Variants in NPHS1 observed in about 807,000 individuals in gnomAD.
NPHS1 encodes nephrin.
In NPHS1, 107 loss-of-function variants were observed where a neutral mutation model predicts 139.7. The observed-to-expected ratio is 0.77, with a 90% confidence interval of 0.66 to 0.90. The LOEUF (loss-of-function observed/expected upper bound fraction) is 0.90. NPHS1 is among the 40% of genes least tolerant of loss of function. The pLI is 0.00. For missense variants in NPHS1, 1,580 were observed against 1,654.2 expected (o/e 0.96, Z 0.78); for synonymous variants, 707 against 706.6 (o/e 1.00, Z -0.01).
Position 35,846,058 on chromosome 19 carries a change from A to T in NPHS1, c.1577T>A (p.Phe526Tyr). The T allele has an allele frequency of 6.3e-7, 1 of 1,595,916 alleles. No individual in the cohort carries two copies. Among genetic ancestry groups the T allele is most frequent in the Non-Finnish European group, 8.5e-7 (1 of 1,171,644 alleles). The change falls in exon 12 of 29, where the codon TTC becomes TAC. Residue 526 changes from phenylalanine (F) to tyrosine (Y), a missense_variant. Coordinates refer to ENST00000378910, the MANE Select transcript of NPHS1 (RefSeq NM_004646.4). ...VTGPSDNQAK[F>Y]TCKAGQLSAS... ...GCTGAGCTGTCCAGCCTTGCACGTG[A>T]ACTTGGCCTGGTTGTCCGACGGCCC...
At position 35,830,929 on chromosome 19, in the gene NPHS1, G is replaced by T; in HGVS notation, c.3509C>A (p.Ala1170Asp). ...RGFTGEDEDM[A>D]FPGHLYDEVE... ...CTCATCATACAAGTGCCCAGGGAAG[G>T]CCATATCCTCATCTTCACCTGTGAA... Residue 1170 changes from alanine to aspartate, a missense_variant, in exon 28 of 29, where the codon GCC (alanine) becomes GAC (aspartate). By Grantham distance (126) the Ala-to-Asp change is moderately radical. Transcript: ENST00000378910. The T allele has an allele frequency of 1.2e-6, 2 of 1,613,838 alleles. No individual in the cohort carries two copies. Among genetic ancestry groups the T allele is most frequent in the Non-Finnish European group, 1.7e-6 (2 of 1,179,702 alleles).
rs760967681 is a variant in NPHS1, at chr19:35,842,180, G to A, written c.2607C>T (p.Pro869=). ...ATLHCRARGV[P]NIVFTWTKNG... is the part of the protein sequence containing the mutation. ...TTTTTGTCCAAGTGAAAACGATGTT[G>A]GGGACACCTCGGGCACGGCAGTGGA... The change falls in exon 19 of 29, where the codon CCC becomes CCT. Residue 869 remains proline, a synonymous_variant. Coordinates refer to ENST00000378910, the MANE Select transcript of NPHS1 (RefSeq NM_004646.4). 5.0e-6 allele frequency: 8 copies of A among 1,611,194 alleles called. No individual in the cohort carries two copies. Among genetic ancestry groups the A allele is most frequent in the Non-Finnish European group, 6.8e-6 (8 of 1,178,976 alleles).
chr19:35,837,632 T>A (rs1291456845), intron 22 of NPHS1, among the ~76,000 whole-genome samples: 1 of 151,908 alleles, frequency 6.6e-6, no homozygotes, highest in African/African-American at 2.4e-5. Flanking sequence ...GATGGAGTTT[T>A]GCTCTTGTTG....
In NPHS1 at chr19:35,851,266, G is replaced by A. The variant is rs181246281; in HGVS notation, c.393C>T (p.Ile131=). The A allele has an allele frequency of 1.6e-5, 26 of 1,614,026 alleles. No homozygotes were observed. The East Asian group carries it at 3.6e-4, about 22-fold the overall frequency. ...ELVSPRVILS[I]LVPPKLLLLT... ...CTGGGCGTCTCTCACCCATACCCAG[G>A]ATGGAGAGGATCACTCTGGGAGACA... is the stretch of plus-strand genomic sequence containing the variant. Residue 131 remains isoleucine, a synonymous_variant, in exon 3 of 29, where the codon ATC becomes ATT. Transcript: ENST00000378910.
Position 35,845,682 on chromosome 19 carries a change from T to C in NPHS1, c.1744A>G (p.Lys582Glu), listed in dbSNP as rs1973129439. 6.2e-7 allele frequency: 1 copy of C among 1,613,764 alleles called. No homozygotes were observed. The highest frequency in any genetic ancestry group is 8.5e-7 in the Non-Finnish European group (1 of 1,179,890). ...TCGCACTCCCACCTCTCCCCTTCCT[T>C]GTCCCAGGACAAGTTGACCGGCGGA... ...SNPPVNLSWD[K>E]EGERLEGVAA... Residue 582 changes from lysine to glutamate, a missense_variant, in exon 13 of 29, where the codon AAG becomes GAG. Transcript: ENST00000378910. The surrounding 1 kb of genome is among the most constrained non-coding windows in gnomAD (Gnocchi z 5.5).
rs770460355 is a variant in NPHS1 at position 35,831,758 on chromosome 19, G to C, written c.3171C>G (p.Pro1057=). 5.1e-6 allele frequency: 8 copies of C among 1,565,612 alleles called. No individual in the cohort carries two copies. In the South Asian group the frequency reaches 9.3e-5, roughly 18 times the overall value. The change falls in exon 24 of 29, where the codon CCC becomes CCG. Residue 1057 remains proline (P), a synonymous_variant. Transcript: ENST00000378910. ...GCACAGGCAGCAGGGGCAGCCCCGA[G>C]GGTCCTAGGGGTGGAAGATACCCCT... The part of the protein sequence containing the change: ...DQLPTEPPSG[P]SGLPLLPVLF...
intron 6 of NPHS1, 56 bp downstream of exon 6, chr19:35,849,494 C>T (rs761319610): frequency 1.4e-5 from 23 of 1,592,254 alleles, no homozygotes; most frequent in African/African-American, 4.0e-5. Flanking sequence ...CCCCCCACAC[C>T]CCCCAGTGCC....
At chr19:35,833,176 G>A (rs1173902872) in intron 23 of NPHS1, among the ~76,000 whole-genome samples, 4 of 151,750 alleles carry the variant, frequency 2.6e-5, no homozygotes, top group Non-Finnish European at 4.4e-5. Flanking sequence ...TTATAGGCGC[G>A]AGCCACCGTG....
At chr19:35,826,696 T>C in intron 28 of NPHS1, 51 bp from the exon 29 acceptor site, 1 of 1,608,086 alleles carries the variant, frequency 6.2e-7, no homozygotes, top group Non-Finnish European at 8.5e-7. Context: ...CCTGTAGGTC[T>C]TCATTGAAGA....
At chr19:35,832,181 C>T (rs922621433) in intron 23 of NPHS1, among the ~76,000 whole-genome samples, 2 of 152,148 alleles carry the variant, frequency 1.3e-5, no homozygotes, top group African/African-American at 4.8e-5. Flanking sequence ...CACCTCAGAG[C>T]TTTGGAATAG....
At chr19:35,851,420 C>T (rs746817100) in intron 2 of NPHS1, 36 bp from the exon 3 acceptor site, 70 of 1,612,616 alleles carry the variant, frequency 4.3e-5, no homozygotes, top group Non-Finnish European at 5.6e-5. Context: ...CCGCAGCTTC[C>T]GCTGGTGGCT....
chr19:35,849,623 C>T lies in NPHS1; in HGVS notation c.639G>A (p.Gln213=). ...RVTPRSSDNR[Q]LLVCEASSPA... ...GGCTAGACGCCTCACAGACCAGCAA[C>T]TGCCTATTATCTGAGCTCCGGGGTG... The change falls in exon 6 of 29, where the codon CAG becomes CAA. Residue 213 remains glutamine, a synonymous_variant. Coordinates refer to ENST00000378910, the MANE Select transcript of NPHS1 (RefSeq NM_004646.4). 3.1e-6 allele frequency: 5 copies of T among 1,614,054 alleles called. No individual in the cohort carries two copies. The highest frequency in any genetic ancestry group is 4.2e-6 in the Non-Finnish European group (5 of 1,179,950).
At chr19:35,844,542 G>C in intron 14 of NPHS1, 83 bp from the exon 15 acceptor site, 1 of 1,459,224 alleles carries the variant, frequency 6.9e-7, no homozygotes. Flanking sequence ...ACAGGTTCAA[G>C]GGTTAAAGTT....
rs1568456327 is a variant in NPHS1 at position 35,849,298 on chromosome 19, T to C, written c.778A>G (p.Ser260Gly). The C allele has an allele frequency of 6.2e-7, 1 of 1,613,140 alleles. No individual in the cohort carries two copies. Among genetic ancestry groups the C allele is most frequent in the Non-Finnish European group, 8.5e-7 (1 of 1,180,010 alleles). ...LDEGHVRAGQ[S>G]LELPCVARGG... ...CGGGCCACGCACGGCAGCTCCAAGC[T>C]CTGTCCTGCCCGCACGTGCCCCTCA... The change falls in exon 7 of 29, where the codon AGC becomes GGC. Residue 260 changes from serine (S) to glycine (G), a missense_variant. Transcript: ENST00000378910.
At chr19:35,837,085 C>T (rs1300473282) in intron 22 of NPHS1, among the ~76,000 whole-genome samples, 2 of 138,388 alleles carry the variant, frequency 1.4e-5, no homozygotes, top group Non-Finnish European at 3.2e-5. Context: ...ATAAACTGAG[C>T]CACAAAGATC....
At chr19:35,843,891 G>A in intron 16 of NPHS1, 1 of 721,082 alleles carries the variant, frequency 1.4e-6, no homozygotes, top group Non-Finnish European at 2.2e-6. Context: ...TGTCTAGGCG[G>A]GCACCCTCTC....
In NPHS1 at chr19:35,851,595, C is replaced by G; in HGVS notation, c.136G>C (p.Gly46Arg). 6.2e-7 allele frequency: 1 copy of G among 1,613,988 alleles called. No individual in the cohort carries two copies. Among genetic ancestry groups the G allele is most frequent in the Non-Finnish European group, 8.5e-7 (1 of 1,179,992 alleles). ...CCACAACGCAGCTCCACTGAGGCCC[C>G]CTCCACCACCGTCAGGTTTTCAGGC... ...ALPENLTVVE[G>R]ASVELRCGVS... is the part of the protein sequence containing the mutation. The change falls in exon 2 of 29, where the codon GGG becomes CGG. Residue 46 changes from glycine (G) to arginine (R), a missense_variant. Coordinates refer to ENST00000378910, the MANE Select transcript of NPHS1 (RefSeq NM_004646.4).
At chr19:35,828,481 G>A (rs1418386733) in intron 28 of NPHS1, among the ~76,000 whole-genome samples, 1 of 152,130 alleles carries the variant, frequency 6.6e-6, no homozygotes, top group East Asian at 1.9e-4. Context: ...GGTCAGGCTG[G>A]TCTCAAACTT....
In NPHS1 at chr19:35,831,466, C is replaced by T. The variant is rs751186794; in HGVS notation, c.3311+10G>A. 2 of 1,613,728 alleles carry T rather than the reference C, an allele frequency of 1.2e-6. No homozygotes were observed. The highest frequency in any genetic ancestry group is 1.7e-6 in the Non-Finnish European group (2 of 1,179,864). On this transcript the variant is annotated intron_variant, in intron 25 of 28. Transcript: ENST00000378910. ...CAGAGCCTTCTTTACAGAAAAATAT[C>T]CCCACTTACCCTGCCTCTGTCTTCT...
Sources: allele counts gnomAD v4.1 joint callset (sites outside exome capture counted in the v4.1 genomes callset), GRCh38; gene constraint gnomAD v4.1.1; non-coding constraint Gnocchi (gnomAD v3.1); transcripts MANE v1.5; gene names NCBI Gene and HGNC (gene_info 2026-07-23, HGNC 2026-07-21).